Variants in SGCZ observed in about 807,000 individuals in gnomAD.
SGCZ encodes the protein zeta-sarcoglycan.
A neutral mutation model predicts 41.3 loss-of-function variants in SGCZ; 40 were observed. That is an observed-to-expected ratio of 0.97 (90% CI 0.75 to 1.26). The LOEUF (loss-of-function observed/expected upper bound fraction) is 1.26, where lower values mean the gene tolerates loss of function less well. Ranked by LOEUF, SGCZ falls within the 50% of genes most tolerant of loss-of-function variation. SGCZ has a pLI of 0.00. For missense variants in SGCZ, 552 were observed against 369.8 expected, an observed-to-expected ratio of 1.49 and a Z score of -4.04; for synonymous variants, 206 against 137.5, an observed-to-expected ratio of 1.50 and a Z score of -3.49.
chr8:14,270,061 G>A (rs1026419438), intron 3 of SGCZ, among the ~76,000 whole-genome samples: 1 of 152,132 alleles, frequency 6.6e-6, no homozygotes, highest in Non-Finnish European at 1.5e-5. Context: ...TCCAGGTGTG[G>A]TGGTTCACGC....
rs147677288 is a variant in SGCZ, at chr8:14,905,925, C to T, written c.39+331660G>A. Among the ~76,000 whole-genome samples the T allele has an allele frequency of 5.8e-4, 88 of 151,792 alleles. 1 individual carries two copies. Among genetic ancestry groups the T allele is most frequent in the Admixed American group, 1.1e-3 (17 of 15,234 alleles). On this transcript the variant is annotated intron_variant, in intron 1 of 7. Transcript: ENST00000382080. ...AATATACACACTTATATTGGAAGTA[C>T]CTCTACAAATAAAATAAAGAATATA...
At chr8:14,784,321 G>A (rs1465467501) in intron 1 of SGCZ, among the ~76,000 whole-genome samples, 2 of 151,576 alleles carry the variant, frequency 1.3e-5, no homozygotes, top group East Asian at 1.9e-4. Context: ...CAAATTTCTG[G>A]GATTACAGAC....
At chr8:14,671,543 T>C (rs1010805831) in intron 1 of SGCZ, among the ~76,000 whole-genome samples, 11 of 152,254 alleles carry the variant, frequency 7.2e-5, no homozygotes, top group African/African-American at 1.2e-4. Context: ...AGGACTTATT[T>C]TGCAACTCTG....
intron 1 of SGCZ, among the ~76,000 whole-genome samples, chr8:14,967,475 G>A (rs1801159712): frequency 6.6e-6 from 1 of 152,086 alleles, no homozygotes; most frequent in South Asian, 2.1e-4. Context: ...CGGTCATAAA[G>A]ACTCAAAATA....
intron 1 of SGCZ, among the ~76,000 whole-genome samples, chr8:15,182,807 T>A (rs1479050823): frequency 6.6e-6 from 1 of 152,278 alleles, no homozygotes; most frequent in African/African-American, 2.4e-5. Context: ...TTTTACTTTA[T>A]CAAGGTTATA....
chr8:14,456,254 C>A (rs1301480090), intron 2 of SGCZ, among the ~76,000 whole-genome samples: 1 of 151,888 alleles, frequency 6.6e-6, no homozygotes, highest in Non-Finnish European at 1.5e-5. Flanking sequence ...ACTAAATATA[C>A]AAAATTAGCC....
chr8:14,098,985 C>T (rs1006511950), intron 7 of SGCZ, among the ~76,000 whole-genome samples: 1 of 152,116 alleles, frequency 6.6e-6, no homozygotes, highest in Non-Finnish European at 1.5e-5. Context: ...GCTTAAAATT[C>T]CATAAGTTTC....
chr8:14,439,558 G>A (rs762649546), intron 2 of SGCZ, among the ~76,000 whole-genome samples: 4 of 151,578 alleles, frequency 2.6e-5, no homozygotes, highest in Non-Finnish European at 4.4e-5. Flanking sequence ...AAGGGAATTC[G>A]TAATATATAA....
At chr8:14,719,235 T>C (rs867119692) in intron 1 of SGCZ, among the ~76,000 whole-genome samples, 1 of 149,256 alleles carries the variant, frequency 6.7e-6, no homozygotes, top group Admixed American at 6.7e-5. Flanking sequence ...TGCCACATTT[T>C]CTTAATCCAG....
chr8:15,077,626 A>C (rs1186701417), intron 1 of SGCZ, among the ~76,000 whole-genome samples: 2 of 152,162 alleles, frequency 1.3e-5, no homozygotes, highest in Non-Finnish European at 2.9e-5. Flanking sequence ...AATAGCCCCA[A>C]ATTTCATTTT....
At chr8:14,437,286 T>A (rs894203720) in intron 2 of SGCZ, among the ~76,000 whole-genome samples, 1 of 152,194 alleles carries the variant, frequency 6.6e-6, no homozygotes, top group East Asian at 1.9e-4. Flanking sequence ...TAATTTCTTA[T>A]ACCACATTGA....
At chr8:14,228,876 G>A (rs1479853457) in intron 4 of SGCZ, among the ~76,000 whole-genome samples, 4 of 152,116 alleles carry the variant, frequency 2.6e-5, no homozygotes, top group African/African-American at 4.8e-5. Flanking sequence ...TTGACATATA[G>A]GCATGAATGA....
intron 1 of SGCZ, among the ~76,000 whole-genome samples, chr8:15,088,417 T>C (rs1362548245): frequency 3.9e-5 from 6 of 152,178 alleles, no homozygotes; most frequent in African/African-American, 1.4e-4. Flanking sequence ...CATATTTTTC[T>C]GTAACCACTT....
intron 3 of SGCZ, among the ~76,000 whole-genome samples, chr8:14,317,282 T>G (rs563072889): frequency 1.3e-5 from 2 of 152,168 alleles, no homozygotes; most frequent in African/African-American, 4.8e-5. Flanking sequence ...AGTGTAGTCA[T>G]TAAAATATTA....
chr8:14,218,825 G>T (rs1324601395), intron 4 of SGCZ, among the ~76,000 whole-genome samples: 5 of 152,176 alleles, frequency 3.3e-5, no homozygotes, highest in African/African-American at 1.2e-4. Flanking sequence ...TGTTGTGGTG[G>T]TCCAAGAAGT....
intron 2 of SGCZ, among the ~76,000 whole-genome samples, chr8:14,350,506 T>G (rs1214779856): frequency 6.6e-6 from 1 of 152,074 alleles, no homozygotes; most frequent in Non-Finnish European, 1.5e-5. Flanking sequence ...TAAATCCCTT[T>G]CCAGGAATTG....
At chr8:15,062,156 C>T (rs1466228126) in intron 1 of SGCZ, among the ~76,000 whole-genome samples, 7 of 152,044 alleles carry the variant, frequency 4.6e-5, no homozygotes, top group Admixed American at 3.9e-4. Context: ...GATCATTTCA[C>T]CCCTTTATAA....
chr8:14,743,363 A>C (rs1799250180), intron 1 of SGCZ, among the ~76,000 whole-genome samples: 1 of 152,126 alleles, frequency 6.6e-6, no homozygotes, highest in African/African-American at 2.4e-5. Context: ...AAGACTGCTC[A>C]TAAGTTCATG....
intron 2 of SGCZ, among the ~76,000 whole-genome samples, chr8:14,461,572 G>C (rs1800902897): frequency 1.3e-5 from 2 of 152,020 alleles, no homozygotes; most frequent in South Asian, 2.1e-4. Flanking sequence ...CACTGACCTA[G>C]ACGAATCAGT....
Sources: gnomAD v4.1 joint callset for allele counts (sites outside exome capture counted in the v4.1 genomes callset) on GRCh38, gnomAD v4.1.1 for gene constraint, MANE v1.5 for transcripts, NCBI Gene and HGNC (gene_info 2026-07-23, HGNC 2026-07-21) for gene names.